Variants in NFYC observed in about 807,000 individuals in gnomAD.
NFYC encodes CAAT box DNA-binding protein subunit C.
A neutral mutation model predicts 53.1 loss-of-function variants in NFYC; 25 were observed. The ratio of observed to expected loss-of-function variants is 0.47; its 90% CI spans 0.34 to 0.66. NFYC has a LOEUF of 0.66. Ranked by LOEUF, NFYC falls within the 30% of genes least tolerant of loss-of-function variation. The pLI is 0.01. For synonymous variants in NFYC, 145 were observed against 152.6 expected (o/e 0.95, Z 0.37); for missense variants, 260 against 422.7 (o/e 0.62, Z 3.38).
At chr1:40,734,345 T>C (rs1644917164) in intron 1 of NFYC, among the ~76,000 whole-genome samples, 1 of 33,744 alleles carries the variant, frequency 3.0e-5, no homozygotes, top group African/African-American at 5.6e-5. Context: ...GGTTGCTTTA[T>C]TTATTTATTT....
chr1:40,720,828 C>G (rs1469733869), intron 1 of NFYC, among the ~76,000 whole-genome samples: 1 of 152,182 alleles, frequency 6.6e-6, no homozygotes, highest in African/African-American at 2.4e-5. Flanking sequence ...ATGATTACGC[C>G]ACTGCACTCC....
chr1:40,725,432 T>A (rs893930047), intron 1 of NFYC, among the ~76,000 whole-genome samples: 21 of 152,214 alleles, frequency 1.4e-4, no homozygotes, highest in African/African-American at 4.8e-4. Flanking sequence ...TCTTTTAATT[T>A]CCAGACCAGT....
chr1:40,764,061 T>A (rs1042480650), intron 7 of NFYC, among the ~76,000 whole-genome samples: 1 of 152,270 alleles, frequency 6.6e-6, no homozygotes, highest in Non-Finnish European at 1.5e-5. Flanking sequence ...GGATTTCATT[T>A]CTTAGATTTG....
rs142004733 is a variant in NFYC, at chr1:40,730,754, G to A, written c.-8-8082G>A. 2.3e-3 allele frequency: 417 copies of A among 178,486 alleles called. 1 individual carries two copies. Among genetic ancestry groups the A allele is most frequent in the African/African-American group, 9.5e-3 (397 of 42,008 alleles). 11.1% of individuals were successfully genotyped at this position (178,486 alleles called of 1,614,324 possible). On this transcript the variant is annotated intron_variant, in intron 1 of 9. Coordinates refer to ENST00000447388, the MANE Select transcript of NFYC (RefSeq NM_014223.5). ...GAATGATAATACCAACATTATATTTGTTTCTTAGTCAGTACTGAGCTAAGA... is the reference window on the plus strand; with the variant it reads ...GAATGATAATACCAACATTATATTTATTTCTTAGTCAGTACTGAGCTAAGA...
intron 1 of NFYC, among the ~76,000 whole-genome samples, chr1:40,697,749 T>A (rs1643229339): frequency 6.6e-6 from 1 of 152,178 alleles, no homozygotes; most frequent in African/African-American, 2.4e-5. Flanking sequence ...AGTTAGACAG[T>A]ATTGTGGAAT....
At chr1:40,724,456 T>G (rs1644437529) in intron 1 of NFYC, among the ~76,000 whole-genome samples, 1 of 152,268 alleles carries the variant, frequency 6.6e-6, no homozygotes, top group South Asian at 2.1e-4. Context: ...AGATGTGGCC[T>G]ATGAGCTGTA....
At chr1:40,739,467 G>A (rs528167111) in intron 2 of NFYC, among the ~76,000 whole-genome samples, 12 of 152,070 alleles carry the variant, frequency 7.9e-5, no homozygotes, top group African/African-American at 1.7e-4. Context: ...GTGAGGGGCC[G>A]TCTTATGCAT....
At chr1:40,709,395 A>AG (rs1491518110) in intron 1 of NFYC, 1 of 152,222 alleles carries the variant, frequency 6.6e-6, no homozygotes, top group Non-Finnish European at 1.5e-5. Context: ...TCACTGAGGC[A>AG]GGGGTCAGCT....
At chr1:40,726,576 A>AT (rs1240608999) in intron 1 of NFYC, among the ~76,000 whole-genome samples, 5 of 151,902 alleles carry the variant, frequency 3.3e-5, no homozygotes, top group African/African-American at 1.2e-4. Context: ...CACCCAGCTG[A>AT]TTTTTGTATT....
chr1:40,762,458 TA>T (rs1162694313), intron 6 of NFYC, among the ~76,000 whole-genome samples: 1 of 152,230 alleles, frequency 6.6e-6, no homozygotes, highest in Non-Finnish European at 1.5e-5. Flanking sequence ...GACCCTGAAC[TA>T]AATAAATTCA....
intron 6 of NFYC, among the ~76,000 whole-genome samples, chr1:40,760,810 G>C (rs1646505599): frequency 1.3e-5 from 2 of 152,116 alleles, no homozygotes; most frequent in African/African-American, 2.4e-5. Context: ...CTTGTTCTAT[G>C]CCAGACACTG....
chr1:40,713,827 T>C (rs1644024474), intron 1 of NFYC, among the ~76,000 whole-genome samples: 1 of 152,250 alleles, frequency 6.6e-6, no homozygotes, highest in Non-Finnish European at 1.5e-5. Flanking sequence ...TTTTTGGGAC[T>C]TCTGTATAGG....
intron 1 of NFYC, among the ~76,000 whole-genome samples, chr1:40,695,193 T>C (rs957715332): frequency 4.6e-5 from 7 of 152,116 alleles, no homozygotes; most frequent in African/African-American, 1.7e-4. Context: ...GAGCTGAGAT[T>C]GTGTCACTGC....
At chr1:40,765,145 A>G (rs184685177) in intron 7 of NFYC, among the ~76,000 whole-genome samples, 17 of 152,286 alleles carry the variant, frequency 1.1e-4, no homozygotes, top group Admixed American at 3.9e-4. Flanking sequence ...AAGCAACTTA[A>G]CATTGTTGCC....
intron 1 of NFYC, among the ~76,000 whole-genome samples, chr1:40,733,641 T>G (rs1644879646): frequency 6.6e-6 from 1 of 151,440 alleles, no homozygotes; most frequent in East Asian, 2.0e-4. Context: ...TGATCATAGC[T>G]CACTGTAGCC....
chr1:40,740,102 C>T (rs75990467), intron 2 of NFYC, among the ~76,000 whole-genome samples: 94 of 152,232 alleles, frequency 6.2e-4, no homozygotes, highest in African/African-American at 2.0e-3. Context: ...ATTAAGGTGT[C>T]ATTTTAGCAC....
In NFYC at chr1:40,753,032, A is replaced by G. The variant is rs12568246; in HGVS notation, c.292-119A>G. 274 of 660,124 alleles carry G rather than the reference A, an allele frequency of 4.2e-4. 2 individuals carry two copies. The East Asian group carries it at 7.0e-3, about 17-fold the overall frequency. 40.9% of individuals were successfully genotyped at this position (660,124 alleles called of 1,614,324 possible). ...TTGGCTGTGCTTATTTCAGCTGTAG[A>G]CTTGCCCGTAGGTGTTTAGTTTGGC... On this transcript the variant is annotated intron_variant, in intron 4 of 9. Coordinates refer to ENST00000447388, the MANE Select transcript of NFYC (RefSeq NM_014223.5).
At chr1:40,738,449 T>C (rs1645170259) in intron 1 of NFYC, among the ~76,000 whole-genome samples, 1 of 152,170 alleles carries the variant, frequency 6.6e-6, no homozygotes, top group Admixed American at 6.5e-5. Flanking sequence ...CACAGAGAAC[T>C]TGAAAAAGCT....
chr1:40,723,519 G>A (rs1644400404), intron 1 of NFYC, among the ~76,000 whole-genome samples: 1 of 152,148 alleles, frequency 6.6e-6, no homozygotes, highest in Admixed American at 6.5e-5. Context: ...AGGTGAGGGA[G>A]GCAGGGGAGC....
Sources: allele counts gnomAD v4.1 joint callset (sites outside exome capture counted in the v4.1 genomes callset), GRCh38; gene constraint gnomAD v4.1.1; transcripts MANE v1.5; gene names NCBI Gene and HGNC (gene_info 2026-07-23, HGNC 2026-07-21).